NRG1: variants seen among roughly 807,000 people sequenced by gnomAD.
NRG1 encodes the protein neuregulin 1, also known as pro-neuregulin-1, membrane-bound isoform.
Under a neutral mutation model 63.8 loss-of-function variants are expected in NRG1, and 18 were observed. The ratio of observed to expected loss-of-function variants is 0.28; its 90% CI spans 0.19 to 0.42. NRG1 has a LOEUF of 0.42. Among genes scored for constraint, NRG1 ranks in the 10% least tolerant of loss-of-function variants. The pLI, the probability that NRG1 is intolerant of heterozygous loss-of-function variation, is 1.00. For missense variants in NRG1, 762 were observed against 814.7 expected (o/e 0.94, Z 0.79); for synonymous variants, 302 against 301.3 (o/e 1.00, Z -0.02).
intron 1 of NRG1, among the ~76,000 whole-genome samples, chr8:32,116,383 A>G (rs1046676775): frequency 1.3e-5 from 2 of 152,156 alleles, no homozygotes; most frequent in Non-Finnish European, 2.9e-5. Flanking sequence ...GAGAGGGGCT[A>G]CAGCACTAAA....
chr8:31,778,079 A>G (rs537821430), intron 1 of NRG1, among the ~76,000 whole-genome samples: 2 of 152,308 alleles, frequency 1.3e-5, no homozygotes, highest in Non-Finnish European at 2.9e-5. Context: ...ATTGGTTAAA[A>G]CTTCATCAGA....
At chr8:32,576,883 T>A (rs955054004) in intron 1 of NRG1, among the ~76,000 whole-genome samples, 1 of 152,196 alleles carries the variant, frequency 6.6e-6, no homozygotes. Context: ...TGATATTGCG[T>A]GGTGCTGAGG....
chr8:31,815,387 A>G (rs1257699243), intron 1 of NRG1, among the ~76,000 whole-genome samples: 1 of 152,130 alleles, frequency 6.6e-6, no homozygotes, highest in Non-Finnish European at 1.5e-5. Context: ...TTAGCATAAT[A>G]TCCTCAAGGT....
At chr8:32,068,270 A>T (rs1825197251) in intron 1 of NRG1, among the ~76,000 whole-genome samples, 1 of 152,226 alleles carries the variant, frequency 6.6e-6, no homozygotes. Context: ...GAGATATTTT[A>T]TCTTGGTGAC....
chr8:32,351,496 T>G (rs895378338), intron 1 of NRG1, among the ~76,000 whole-genome samples: 1 of 152,188 alleles, frequency 6.6e-6, no homozygotes, highest in African/African-American at 2.4e-5. Context: ...TCCTGCACTC[T>G]CTCCTTTGTT....
chr8:32,664,301 GAAA>G (rs371276521), intron 5 of NRG1, among the ~76,000 whole-genome samples: 2 of 142,436 alleles, frequency 1.4e-5, no homozygotes, highest in Non-Finnish European at 3.1e-5. Flanking sequence ...AGTTTGAGGT[GAAA>G]AAAAAAAACC....
intron 1 of NRG1, among the ~76,000 whole-genome samples, chr8:32,503,688 G>A (rs1452670064): frequency 6.6e-6 from 1 of 152,188 alleles, no homozygotes; most frequent in Non-Finnish European, 1.5e-5. Context: ...ACTGGTAGTA[G>A]CGGTGAATCC....
intron 1 of NRG1, among the ~76,000 whole-genome samples, chr8:31,890,301 A>C (rs887482849): frequency 6.6e-6 from 1 of 152,256 alleles, no homozygotes; most frequent in Non-Finnish European, 1.5e-5. Context: ...CTGAAGAATT[A>C]CAGTCTCTAA....
rs371330419 is a variant in NRG1, at chr8:32,478,839, G to A, written c.38-116989G>A. On this transcript the variant is annotated intron_variant, in intron 1 of 10. Coordinates refer to the NRG1 transcript ENST00000519301. Reference sequence around the variant, plus strand: ...CAATATACTTTAAGTTTCATTTGACGCCCACAAGCTGAAACTACCTCTTTG... The same window carrying A: ...CAATATACTTTAAGTTTCATTTGACACCCACAAGCTGAAACTACCTCTTTG... Among the ~76,000 whole-genome samples the A allele has an allele frequency of 1.2e-3, 184 of 152,210 alleles. 1 individual carries two copies. Among genetic ancestry groups the A allele is most frequent in the African/African-American group, 4.0e-3 (165 of 41,534 alleles).
intron 1 of NRG1, among the ~76,000 whole-genome samples, chr8:32,164,564 C>A (rs2131947053): frequency 6.6e-6 from 1 of 151,292 alleles, no homozygotes; most frequent in South Asian, 2.1e-4. Context: ...AATTTTAACA[C>A]TTTTGAAAAA....
At chr8:32,730,220 G>A (rs1823289262) in intron 6 of NRG1, among the ~76,000 whole-genome samples, 2 of 152,204 alleles carry the variant, frequency 1.3e-5, no homozygotes, top group South Asian at 4.1e-4. Context: ...GGCCGAGGCA[G>A]ACGGATCTCT....
At chr8:32,341,828 T>C (rs1360698488) in intron 1 of NRG1, among the ~76,000 whole-genome samples, 1 of 152,208 alleles carries the variant, frequency 6.6e-6, no homozygotes, top group African/African-American at 2.4e-5. Context: ...AAGAAATAAT[T>C]ACAAAATATT....
intron 1 of NRG1, among the ~76,000 whole-genome samples, chr8:32,228,078 T>G (rs970260199): frequency 6.6e-6 from 1 of 152,228 alleles, no homozygotes; most frequent in Non-Finnish European, 1.5e-5. Context: ...AGCTTTTTGT[T>G]TGTTTCTTTA....
intron 1 of NRG1, among the ~76,000 whole-genome samples, chr8:32,088,570 T>G (rs547350859): frequency 2.0e-5 from 3 of 149,542 alleles, no homozygotes; most frequent in African/African-American, 7.5e-5. Flanking sequence ...CAGGCTGGAG[T>G]GCAGTGGTGC....
intron 6 of NRG1, among the ~76,000 whole-genome samples, chr8:32,735,219 G>A (rs1457627953): frequency 6.6e-6 from 1 of 152,156 alleles, no homozygotes; most frequent in Non-Finnish European, 1.5e-5. Flanking sequence ...GAACACTTAA[G>A]TTGATTTTAT....
At chr8:32,316,502 G>T (rs1857412112) in intron 1 of NRG1, among the ~76,000 whole-genome samples, 1 of 151,064 alleles carries the variant, frequency 6.6e-6, no homozygotes, top group Non-Finnish European at 1.5e-5. Context: ...GAATCCTAAG[G>T]ATTCCTGGTT....
At chr8:31,927,824 A>G (rs186821228) in intron 1 of NRG1, among the ~76,000 whole-genome samples, 4 of 151,070 alleles carry the variant, frequency 2.6e-5, no homozygotes, top group Non-Finnish European at 5.9e-5. Context: ...TTGTCCTGCT[A>G]TAATCTCAAC....
At chr8:32,095,752 A>G (rs554443813) in intron 1 of NRG1, among the ~76,000 whole-genome samples, 1 of 152,348 alleles carries the variant, frequency 6.6e-6, no homozygotes, top group South Asian at 2.1e-4. Flanking sequence ...CAACATTTAT[A>G]CAAATATCGA....
At chr8:31,897,677 C>G (rs1831688700) in intron 1 of NRG1, among the ~76,000 whole-genome samples, 1 of 152,082 alleles carries the variant, frequency 6.6e-6, no homozygotes, top group Non-Finnish European at 1.5e-5. Context: ...TCTATTCATT[C>G]TAGGTCTTTA....
Sources: allele counts gnomAD v4.1 joint callset (sites outside exome capture counted in the v4.1 genomes callset), GRCh38; gene constraint gnomAD v4.1.1; transcripts MANE v1.5; gene names NCBI Gene and HGNC (gene_info 2026-07-23, HGNC 2026-07-21).